BMPR1B: variants seen among roughly 807,000 people sequenced by gnomAD.
BMPR1B encodes the protein bone morphogenetic protein receptor type 1B, also known as bone morphogenetic protein receptor type-1B.
Under a neutral mutation model 59.1 loss-of-function variants are expected in BMPR1B, and 12 were observed. The ratio of observed to expected loss-of-function variants is 0.20; its 90% confidence interval spans 0.13 to 0.33. BMPR1B has a LOEUF of 0.33. Ranked by LOEUF, BMPR1B falls within the 10% of genes least tolerant of loss-of-function variation. The pLI is 1.00. For synonymous variants in BMPR1B, 237 were observed against 207.3 expected, an observed-to-expected ratio of 1.14 and a Z score of -1.23; for missense variants, 550 against 610.9, an observed-to-expected ratio of 0.90 and a Z score of 1.05.
At position 95,152,731 on chromosome 4, in the gene BMPR1B, G is replaced by A; in HGVS notation, c.1341G>A (p.Lys447=). The A allele has an allele frequency of 6.2e-7, 1 of 1,609,060 alleles. No individual in the cohort carries two copies. Among genetic ancestry groups the A allele is most frequent in the South Asian group, 1.1e-5 (1 of 89,612 alleles). Residue 447 remains lysine, a synonymous_variant, in exon 12 of 13, where the codon AAG becomes AAA. Coordinates refer to ENST00000515059, the MANE Select transcript of BMPR1B (RefSeq NM_001203.3). ...ACATGAGGGAGATTGTGTGCATCAA[G>A]AAGTTACGCCCCTCATTCCCAAACC... is the stretch of plus-strand genomic sequence containing the variant. ...YEDMREIVCI[K]KLRPSFPNRW...
chr4:95,138,421 T>G (rs1477550188), intron 10 of BMPR1B, among the ~76,000 whole-genome samples: 4 of 152,266 alleles, frequency 2.6e-5, no homozygotes, highest in Admixed American at 2.0e-4. Context: ...CTTTGTGGTG[T>G]TTTCTGTATT....
chr4:95,152,528 C>A, intron 11 of BMPR1B, 115 bp from the exon 12 acceptor site: 2 of 883,342 alleles, frequency 2.3e-6, no homozygotes, highest in East Asian at 3.0e-5. Context: ...TATTTTTCTG[C>A]CTGAACTTGT....
intron 2 of BMPR1B, among the ~76,000 whole-genome samples, chr4:94,888,846 T>C (rs1008716820): frequency 7.2e-5 from 11 of 152,064 alleles, no homozygotes; most frequent in African/African-American, 2.7e-4. Context: ...ATGATATACT[T>C]CTAATATATC....
intron 1 of BMPR1B, among the ~76,000 whole-genome samples, chr4:94,767,585 G>A (rs1301192753): frequency 6.6e-6 from 1 of 152,054 alleles, no homozygotes; most frequent in Non-Finnish European, 1.5e-5. Context: ...AACATCTGTA[G>A]CAAATGAAAA....
chr4:95,003,801 C>CTT (rs5860385), intron 3 of BMPR1B, among the ~76,000 whole-genome samples: 50,137 of 84,672 alleles, frequency 0.59, 17,117 homozygotes, highest in East Asian at 0.73. Flanking sequence ...CAAAGTCCAT[C>CTT]TTTTTTTTTT....
At chr4:95,125,401 G>A (rs1732836921) in intron 8 of BMPR1B, among the ~76,000 whole-genome samples, 1 of 152,162 alleles carries the variant, frequency 6.6e-6, no homozygotes, top group Non-Finnish European at 1.5e-5. Context: ...CATCTTCCCT[G>A]TGTTTTCCAT....
intron 3 of BMPR1B, among the ~76,000 whole-genome samples, chr4:94,999,789 A>C (rs1248853640): frequency 6.6e-6 from 1 of 152,170 alleles, no homozygotes; most frequent in Non-Finnish European, 1.5e-5. Flanking sequence ...AATTTCATTT[A>C]CTGGGGCAGA....
At chr4:94,904,811 G>A (rs1727976893) in intron 2 of BMPR1B, among the ~76,000 whole-genome samples, 1 of 151,938 alleles carries the variant, frequency 6.6e-6, no homozygotes, top group Admixed American at 6.6e-5. Context: ...CATAGTAAAT[G>A]TCGAGAAAAA....
intron 4 of BMPR1B, among the ~76,000 whole-genome samples, chr4:95,113,631 T>C (rs1035814523): frequency 6.6e-6 from 1 of 152,168 alleles, no homozygotes; most frequent in Non-Finnish European, 1.5e-5. Flanking sequence ...TCAGTGCTGG[T>C]TTATGACTTA....
chr4:95,041,894 G>A (rs896300133), intron 3 of BMPR1B, among the ~76,000 whole-genome samples: 21 of 151,034 alleles, frequency 1.4e-4, no homozygotes, highest in South Asian at 1.3e-3. Flanking sequence ...TTGCTCTGTC[G>A]CCCAGGCTGT....
At chr4:94,955,140 G>A (rs781267202) in intron 2 of BMPR1B, among the ~76,000 whole-genome samples, 4 of 152,160 alleles carry the variant, frequency 2.6e-5, no homozygotes, top group South Asian at 2.1e-4. Flanking sequence ...GATCAGTACC[G>A]TTATGGTGTT....
intron 2 of BMPR1B, among the ~76,000 whole-genome samples, chr4:94,956,836 G>C (rs1011399505): frequency 8.6e-5 from 13 of 151,878 alleles, no homozygotes; most frequent in African/African-American, 2.4e-4. Context: ...AAAAGGCTCA[G>C]TTTCAGTGTA....
Position 95,083,650 on chromosome 4 carries a change from A to G in BMPR1B, c.-17-20758A>G, listed in dbSNP as rs568525885. Among the ~76,000 whole-genome samples the G allele has an allele frequency of 3.9e-5, 6 of 152,144 alleles. No homozygotes were observed. The South Asian group carries it at 1.0e-3, about 26-fold the overall frequency. ...TAATAAGATTTCAGGATAACACACT[A>G]TTTTTTGGTGTTTCTTAGTATTATA... On this transcript the variant is annotated intron_variant, in intron 3 of 12. Transcript: ENST00000515059.
At chr4:94,865,702 C>T (rs58043492) in intron 1 of BMPR1B, among the ~76,000 whole-genome samples, 5,766 of 152,244 alleles carry the variant, frequency 0.038, 356 homozygotes, top group African/African-American at 0.13. Context: ...CTGTTTTCTA[C>T]TTTAAAAATC....
intron 2 of BMPR1B, among the ~76,000 whole-genome samples, chr4:94,897,398 T>C (rs1334701783): frequency 6.6e-6 from 1 of 152,112 alleles, no homozygotes; most frequent in Non-Finnish European, 1.5e-5. Context: ...ATTTTGGCTG[T>C]TAAGGTACTG....
At chr4:94,906,834 T>G (rs1728060763) in intron 2 of BMPR1B, among the ~76,000 whole-genome samples, 1 of 152,046 alleles carries the variant, frequency 6.6e-6, no homozygotes, top group Admixed American at 6.6e-5. Context: ...AGCTTATAGT[T>G]TAAAAACAGT....
chr4:94,818,961 A>G (rs1724108098), intron 1 of BMPR1B, among the ~76,000 whole-genome samples: 1 of 151,856 alleles, frequency 6.6e-6, no homozygotes. Context: ...GCAAGATCCC[A>G]ACTCTAGAAA....
At chr4:95,004,889 A>G (rs1453351008) in intron 3 of BMPR1B, among the ~76,000 whole-genome samples, 1 of 152,130 alleles carries the variant, frequency 6.6e-6, no homozygotes, top group Non-Finnish European at 1.5e-5. Context: ...GTTGTTGTTT[A>G]TTTGTTTTAA....
At chr4:94,795,495 C>T (rs1660536073) in intron 1 of BMPR1B, among the ~76,000 whole-genome samples, 1 of 151,858 alleles carries the variant, frequency 6.6e-6, no homozygotes, top group South Asian at 2.1e-4. Flanking sequence ...GATGGAGTCT[C>T]ACTCTGTTGC....
Sources: gnomAD v4.1 joint callset for allele counts (sites outside exome capture counted in the v4.1 genomes callset) on GRCh38, gnomAD v4.1.1 for gene constraint, MANE v1.5 for transcripts, NCBI Gene and HGNC (gene_info 2026-07-23, HGNC 2026-07-21) for gene names.